FBN3: variants seen among roughly 807,000 people sequenced by gnomAD.
The protein encoded by FBN3 is fibrillin-3.
FBN3 carries 234 observed loss-of-function variants against 330.1 expected under a neutral mutation model. The observed-to-expected ratio is 0.71, with a 90% CI of 0.64 to 0.79. The LOEUF (loss-of-function observed/expected upper bound fraction) is 0.79. FBN3 is among the 30% of genes least tolerant of loss of function. The pLI is 0.00. For missense variants in FBN3, 3,606 were observed against 3,886.9 expected (o/e 0.93, Z 1.92); for synonymous variants, 1,458 against 1,517.3 (o/e 0.96, Z 0.91).
At chr19:8,081,278 G>A in intron 58 of FBN3, 80 bp downstream of exon 58, 1 of 1,528,276 alleles carries the variant, frequency 6.5e-7, no homozygotes, top group Non-Finnish European at 8.9e-7. Flanking sequence ...TGAGATTGCA[G>A]GGGACATGTC....
At chr19:8,134,056 C>A (rs61443840) in intron 13 of FBN3, among the ~76,000 whole-genome samples, 2 of 130,978 alleles carry the variant, frequency 1.5e-5, no homozygotes. Flanking sequence ...GAAACCCCAT[C>A]TCTACTAAAA....
At position 8,143,426 on chromosome 19, in the gene FBN3, C is replaced by G. The variant is rs115228502; in HGVS notation, c.542-1289G>C. On this transcript the variant is annotated intron_variant, in intron 6 of 63. Coordinates refer to ENST00000600128, the MANE Select transcript of FBN3 (RefSeq NM_032447.5). The stretch of plus-strand genomic sequence containing the variant: ...TCCTGACTCCCTCCTTCTTCTCTCC[C>G]CGTCCCTGCCACACCTCACTGCTCA... Among the ~76,000 whole-genome samples, 966 of 152,162 alleles carry G rather than the reference C, an allele frequency of 6.3e-3. 8 individuals are homozygous for G. Among genetic ancestry groups the G allele is most frequent in the African/African-American group, 0.022 (907 of 41,508 alleles).
chr19:8,121,500 A>T lies in FBN3; in HGVS notation c.3083-114T>A. ...TGTGGGCTAGAGGAAGCCCATCTGC[A>T]GACATAAGGAGGCACAGGCCAAGAG... is the stretch of plus-strand genomic sequence containing the variant. On this transcript the variant is annotated intron_variant, in intron 24 of 63. Transcript: ENST00000600128. This position sits in a 1 kb window ranked among gnomAD's most constrained non-coding sequence, Gnocchi z 4.5. The T allele has an allele frequency of 9.2e-7, 1 of 1,083,636 alleles. No homozygotes were observed. 67.1% of individuals were successfully genotyped at this position (1,083,636 alleles called of 1,614,324 possible). A position where few individuals can be genotyped will look rare whatever the true frequency, so the allele number is the denominator to read the frequency against.
At chr19:8,123,428 A>C (rs781471276) in intron 24 of FBN3, 36 bp downstream of exon 24, 3 of 1,606,324 alleles carry the variant, frequency 1.9e-6, no homozygotes, top group Non-Finnish European at 1.7e-6. Flanking sequence ...CCTGCCAAGG[A>C]TCACGCTCTC....
In FBN3 at chr19:8,115,497, C is replaced by G. The variant is rs748857376; in HGVS notation, c.3838+18G>C. The G allele has an allele frequency of 9.3e-6, 15 of 1,612,520 alleles. No individual in the cohort carries two copies. The highest frequency in any genetic ancestry group is 1.2e-5 in the Non-Finnish European group (14 of 1,179,818). ...CCCGGGGAGTCCCCTCTGCCTGCAC[C>G]GCTGACCGCCGGCTCACCAGAGCAG... is the stretch of plus-strand genomic sequence containing the variant. On this transcript the variant is annotated intron_variant, in intron 30 of 63. Transcript: ENST00000600128.
intron 56 of FBN3, 72 bp downstream of exon 56, chr19:8,085,291 A>G: frequency 7.7e-7 from 1 of 1,305,822 alleles, no homozygotes; most frequent in Non-Finnish European, 1.1e-6. Flanking sequence ...CTGCTGCAGT[A>G]CAGACACATG....
At position 8,109,394 on chromosome 19, in the gene FBN3, C is replaced by T. The variant is rs375253143; in HGVS notation, c.4457-6G>A. On this transcript the variant is annotated splice_region_variant and splice_polypyrimidine_tract_variant and intron_variant, in intron 35 of 63. Transcript: ENST00000600128. The surrounding 1 kb of genome is among the most constrained non-coding windows in gnomAD (Gnocchi z 5.2). ...ACAGTTCCCGGCCCGAGTGTCTGAA[C>T]AGGCAGAAGGGGATGGTTAGTAGGT... 1.9e-6 allele frequency: 3 copies of T among 1,614,150 alleles called. No individual in the cohort carries two copies. In the African/African-American group the frequency reaches 4.0e-5, roughly 22 times the overall value.
chr19:8,140,824 G>C (rs939751656), intron 8 of FBN3, among the ~76,000 whole-genome samples: 1 of 151,986 alleles, frequency 6.6e-6, no homozygotes, highest in Non-Finnish European at 1.5e-5. Flanking sequence ...AGGACCCCCC[G>C]CAGTCCAGGG....
In FBN3 at chr19:8,145,824, G is replaced by T. The variant is rs1308737639; in HGVS notation, c.445+19C>A. The stretch of plus-strand genomic sequence containing the variant: ...CAGTCCCAGGTGTGCAAAGAGGGGA[G>T]TCCCATGGGGATACTCACGCTGCCC... On this transcript the variant is annotated intron_variant, in intron 5 of 63. Coordinates refer to ENST00000600128, the MANE Select transcript of FBN3 (RefSeq NM_032447.5). The T allele has an allele frequency of 6.5e-7, 1 of 1,534,824 alleles. No individual in the cohort carries two copies. Among genetic ancestry groups the T allele is most frequent in the Admixed American group, 2.0e-5 (1 of 50,954 alleles).
At chr19:8,077,296 C>T (rs2081663346) in intron 59 of FBN3, among the ~76,000 whole-genome samples, 1 of 152,138 alleles carries the variant, frequency 6.6e-6, no homozygotes. Context: ...TTTTAGCTTC[C>T]TTGAGTACAG....
intron 26 of FBN3, 94 bp from the exon 27 acceptor site, chr19:8,117,683 G>A (rs758024432): frequency 7.2e-7 from 1 of 1,388,408 alleles, no homozygotes; most frequent in Non-Finnish European, 9.6e-7. Flanking sequence ...ATGCTAAGGA[G>A]CTCACACTGC....
Position 8,131,161 on chromosome 19 carries a change from C to G in FBN3, c.2044+74G>C. The G allele has an allele frequency of 6.9e-7, 1 of 1,453,480 alleles. No individual in the cohort carries two copies. Among genetic ancestry groups the G allele is most frequent in the Non-Finnish European group, 9.4e-7 (1 of 1,061,202 alleles). The allele number at this position is 1,453,480 out of a possible 1,614,324, so 90.0% of individuals were successfully genotyped here. ...GGGAACCCCGGGCCAACTCCTACAG[C>G]CTCCCACCACAGCTCTCCCCACATC... On this transcript the variant is annotated intron_variant, in intron 16 of 63. Coordinates refer to ENST00000600128, the MANE Select transcript of FBN3 (RefSeq NM_032447.5). The surrounding 1 kb of genome is among the most constrained non-coding windows in gnomAD (Gnocchi z 4.5).
At chr19:8,100,622 G>A (rs1028767065) in intron 41 of FBN3, among the ~76,000 whole-genome samples, 1 of 152,182 alleles carries the variant, frequency 6.6e-6, no homozygotes, top group African/African-American at 2.4e-5. Context: ...ACAGGCATGA[G>A]CCACTGTGCA....
chr19:8,143,771 G>T (rs1319002483), intron 6 of FBN3, among the ~76,000 whole-genome samples: 1 of 130,054 alleles, frequency 7.7e-6, no homozygotes, highest in Non-Finnish European at 1.6e-5. Context: ...AGAATTGCAG[G>T]CATGAGCCAC....
intron 41 of FBN3, 56 bp downstream of exon 41, chr19:8,100,845 G>A: frequency 1.4e-6 from 2 of 1,426,102 alleles, no homozygotes; most frequent in Non-Finnish European, 2.0e-6. Context: ...AGGGGTGGGA[G>A]GAAGCAGACC....
At position 8,085,842 on chromosome 19, in the gene FBN3, A is replaced by G. The variant is rs549718262; in HGVS notation, c.6881-273T>C. ...GCGTCCCGCTCTTCCAGTATTTAAC[A>G]GAAGGGACAGAGGGAAGAGGGGCAG... On this transcript the variant is annotated intron_variant, in intron 55 of 63. Coordinates refer to ENST00000600128, the MANE Select transcript of FBN3 (RefSeq NM_032447.5). 1.4e-4 allele frequency among the ~76,000 whole-genome samples: 22 copies of G among 152,108 alleles called. No homozygotes were observed. In the East Asian group the frequency reaches 4.1e-3, roughly 28 times the overall value.
rs763220238 is a variant in FBN3, at chr19:8,144,917, G to A, written c.501C>T (p.Cys167=). 1.8e-5 allele frequency: 29 copies of A among 1,612,294 alleles called. No homozygotes were observed. In the South Asian group the frequency reaches 3.0e-4, roughly 17 times the overall value. ...NGGRCIGPNR[C]ACVYGFMGPQ... ...GTCCCATGAAGCCATACACACAGGC[G>A]CAGCGGTTGGGCCCAATGCAGCGAC... is the stretch of plus-strand genomic sequence containing the variant. Residue 167 remains cysteine (C), a synonymous_variant, in exon 6 of 64, where the codon TGC becomes TGT. Transcript: ENST00000600128.
Position 8,116,750 on chromosome 19 carries a change from G to A in FBN3, c.3636C>T (p.Cys1212=). The change falls in exon 29 of 64, where the codon TGC becomes TGT. Residue 1212 remains cysteine, a synonymous_variant. Coordinates refer to ENST00000600128, the MANE Select transcript of FBN3 (RefSeq NM_032447.5). ...ENPRVCDQGH[C]TNMPGGHRCL... ...AGCGGTGACCCCCTGGCATGTTGGTGCAGTGGCCTTGGTCACAAACGCGGG... is the reference window on the plus strand; with the variant it reads ...AGCGGTGACCCCCTGGCATGTTGGTACAGTGGCCTTGGTCACAAACGCGGG... The A allele has an allele frequency of 1.2e-6, 2 of 1,614,086 alleles. No homozygotes were observed. The highest frequency in any genetic ancestry group is 1.7e-6 in the Non-Finnish European group (2 of 1,179,978).
intron 24 of FBN3, among the ~76,000 whole-genome samples, chr19:8,122,181 A>AT (rs1216270056): frequency 6.6e-6 from 1 of 151,686 alleles, no homozygotes; most frequent in Non-Finnish European, 1.5e-5. Flanking sequence ...TGCAATAATA[A>AT]TTTTTTTATT....
Sources: allele counts gnomAD v4.1 joint callset (sites outside exome capture counted in the v4.1 genomes callset), GRCh38; gene constraint gnomAD v4.1.1; non-coding constraint Gnocchi (gnomAD v3.1); transcripts MANE v1.5; gene names NCBI Gene and HGNC (gene_info 2026-07-23, HGNC 2026-07-21).